LBR: variants seen among roughly 807,000 people sequenced by gnomAD.
LBR encodes lamin B receptor, also known as delta(14)-sterol reductase LBR.
A neutral mutation model predicts 74.3 loss-of-function variants in LBR; 28 were observed. That is an observed-to-expected ratio of 0.38 (90% CI 0.28 to 0.52). LBR has a LOEUF of 0.52. Among genes scored for constraint, LBR ranks in the 20% least tolerant of loss-of-function variants. The pLI, the probability that LBR is intolerant of heterozygous loss-of-function variation, is 0.89. For synonymous variants in LBR, 228 were observed against 269.3 expected, an observed-to-expected ratio of 0.85 and a Z score of 1.50; for missense variants, 717 against 760.3, an observed-to-expected ratio of 0.94 and a Z score of 0.67.
intron 1 of LBR, among the ~76,000 whole-genome samples, chr1:225,425,148 C>T (rs2096136587): frequency 6.6e-6 from 1 of 151,878 alleles, no homozygotes; most frequent in Non-Finnish European, 1.5e-5. Flanking sequence ...ATAAAAGCAA[C>T]ATTTAGGAAC....
chr1:225,412,472 G>A lies in LBR; in HGVS notation c.1066C>T (p.Leu356=), dbSNP rs1355793923. ...MRSLKAPRND[L]SPASSGNAVY... is the part of the protein sequence containing the mutation. Reference sequence around the variant, plus strand: ...TGCTCACCAGAGCTGGCAGGCGACAGGTCATTCCGGGGCGCTTTCAAAGAG... The same window carrying A: ...TGCTCACCAGAGCTGGCAGGCGACAAGTCATTCCGGGGCGCTTTCAAAGAG... Residue 356 remains leucine (L), a synonymous_variant, in exon 8 of 14, where the codon CTG becomes TTG. Coordinates refer to ENST00000272163, the MANE Select transcript of LBR (RefSeq NM_002296.4). 6.2e-7 allele frequency: 1 copy of A among 1,613,952 alleles called. No individual in the cohort carries two copies. Among genetic ancestry groups the A allele is most frequent in the Admixed American group, 1.7e-5 (1 of 59,996 alleles).
At position 225,424,008 on chromosome 1, in the gene LBR, T is replaced by A. The variant is rs749442728; in HGVS notation, c.68A>T (p.Tyr23Phe). The A allele has an allele frequency of 1.2e-6, 2 of 1,614,014 alleles. No individual in the cohort carries two copies. The highest frequency in any genetic ancestry group is 1.3e-5 in the African/African-American group (1 of 74,908). The change falls in exon 2 of 14, where the codon TAT (tyrosine) becomes TTT (phenylalanine). Residue 23 changes from tyrosine (Y) to phenylalanine (F), a missense_variant. By Grantham distance (22) the Tyr-to-Phe change is conservative. Transcript: ENST00000272163. ...RGRWPGSSLY[Y>F]EVEILSHDST... ...GTCGTGGCTCAGAATTTCTACTTCATAATAAAGTGAACTCCCAGGCCATCG... is the reference window on the plus strand; with the variant it reads ...GTCGTGGCTCAGAATTTCTACTTCAAAATAAAGTGAACTCCCAGGCCATCG...
rs776256289 is a variant in LBR, at chr1:225,419,293, C to A, written c.610G>T (p.Ala204Ser). The change falls in exon 5 of 14, where the codon GCA (alanine) becomes TCA (serine). Residue 204 changes from alanine to serine, a missense_variant. Ala to Ser is a moderately conservative substitution (Grantham distance 99, BLOSUM62 1). Coordinates refer to ENST00000272163, the MANE Select transcript of LBR (RefSeq NM_002296.4). ...VRTFEVTPIR[A>S]KDLEFGGVPG... ...ACTCCTCCAAACTCCAAGTCCTTTG[C>A]CCGGATGGGGGTCACTTCAAAGGTT... is the stretch of plus-strand genomic sequence containing the variant. 3.1e-6 allele frequency: 5 copies of A among 1,614,250 alleles called. No homozygotes were observed. In the South Asian group the frequency reaches 5.5e-5, roughly 18 times the overall value.
intron 7 of LBR, chr1:225,414,043 C>A (rs2096111896): frequency 2.2e-6 from 1 of 456,748 alleles, no homozygotes; most frequent in South Asian, 1.5e-5. Context: ...CCCAGACTCA[C>A]CTTCCCTGGT....
chr1:225,421,279 G>A lies in LBR; in HGVS notation c.366+798C>T, dbSNP rs993638193. On this transcript the variant is annotated intron_variant, in intron 3 of 13. Transcript: ENST00000272163. Reference sequence around the variant, plus strand: ...GAGGCCGAGGCGGGTGGATCACGAGGTCAGGAAATCGAGACCATCCTGGCT... The same window carrying A: ...GAGGCCGAGGCGGGTGGATCACGAGATCAGGAAATCGAGACCATCCTGGCT... Among the ~76,000 whole-genome samples, 3 of 152,218 alleles carry A rather than the reference G, an allele frequency of 2.0e-5. No individual in the cohort carries two copies. The East Asian group carries it at 5.8e-4, about 29-fold the overall frequency.
At chr1:225,405,786 C>G (rs1354562053) in intron 11 of LBR, among the ~76,000 whole-genome samples, 1 of 152,198 alleles carries the variant, frequency 6.6e-6, no homozygotes, top group Non-Finnish European at 1.5e-5. Context: ...AATACACTGT[C>G]TTGAATAATA....
At chr1:225,406,957 T>A in intron 10 of LBR, 125 bp from the exon 11 acceptor site, 1 of 875,948 alleles carries the variant, frequency 1.1e-6, no homozygotes, top group Non-Finnish European at 1.9e-6. Flanking sequence ...ATTTTTTTGT[T>A]AAAGGGGAGA....
At chr1:225,404,597 A>C in intron 12 of LBR, 29 bp downstream of exon 12, 1 of 1,568,842 alleles carries the variant, frequency 6.4e-7, no homozygotes, top group Non-Finnish European at 8.7e-7. Flanking sequence ...CATGTAATAT[A>C]TATAATATAA....
At position 225,419,771 on chromosome 1, in the gene LBR, A is replaced by C. The variant is rs572094033; in HGVS notation, c.394T>G (p.Tyr132Asp). The change falls in exon 4 of 14, where the codon TAT becomes GAT. Residue 132 changes from tyrosine (Y) to aspartate (D), a missense_variant. Transcript: ENST00000272163. ...TCAATATGCTCAGGCTCCCCATTAT[A>C]TCTGCTGATGCTATTTCCAAATGGC... ...LKPFGNSISRYNGEPEHIERN... is the reference protein window; with the variant it reads ...LKPFGNSISRDNGEPEHIERN... The C allele has an allele frequency of 1.2e-6, 2 of 1,611,944 alleles. No homozygotes were observed. The highest frequency in any genetic ancestry group is 1.7e-6 in the Non-Finnish European group (2 of 1,178,326).
In LBR at chr1:225,424,001, T is replaced by C. The variant is rs2096133965; in HGVS notation, c.75A>G (p.Val25=). The change falls in exon 2 of 14, where the codon GTA becomes GTG. Residue 25 remains valine (V), a synonymous_variant. Transcript: ENST00000272163. The stretch of plus-strand genomic sequence containing the variant: ...AGGTGCTGTCGTGGCTCAGAATTTC[T>C]ACTTCATAATAAAGTGAACTCCCAG... The part of the protein sequence containing the change: ...RWPGSSLYYE[V]EILSHDSTSQ... 3 of 1,614,096 alleles carry C rather than the reference T, an allele frequency of 1.9e-6. No individual in the cohort carries two copies. The highest frequency in any genetic ancestry group is 2.2e-5 in the East Asian group (1 of 44,882).
intron 6 of LBR, among the ~76,000 whole-genome samples, chr1:225,416,524 C>T (rs543999354): frequency 8.5e-5 from 13 of 152,152 alleles, no homozygotes; most frequent in African/African-American, 1.4e-4. Context: ...CCAAGAGAAA[C>T]GTAAAAGCTG....
intron 1 of LBR, chr1:225,427,643 A>AGCCGC (rs1280878074): frequency 2.0e-5 from 3 of 152,284 alleles, no homozygotes; most frequent in Admixed American, 6.5e-5. Context: ...GCCGCTCCAC[A>AGCCGC]GCCGCGCCGC....
chr1:225,411,725 A>G (rs2096106204), intron 8 of LBR, among the ~76,000 whole-genome samples: 3 of 152,086 alleles, frequency 2.0e-5, no homozygotes, highest in Admixed American at 2.0e-4. Context: ...TTTACACTCC[A>G]TTTTTTTTAG....
chr1:225,419,535 T>C, intron 4 of LBR, 83 bp from the exon 5 acceptor site: 1 of 1,028,616 alleles, frequency 9.7e-7, no homozygotes. Context: ...AGCATCTCAA[T>C]ACAGCTATAC....
chr1:225,418,005 G>T lies in LBR; in HGVS notation c.816C>A (p.Phe272Leu), dbSNP rs770117907. The T allele has an allele frequency of 1.2e-6, 2 of 1,614,094 alleles. No individual in the cohort carries two copies. Among genetic ancestry groups the T allele is most frequent in the Non-Finnish European group, 1.7e-6 (2 of 1,179,964 alleles). The change falls in exon 6 of 14, where the codon TTC becomes TTA. Residue 272 changes from phenylalanine to leucine, a missense_variant. By Grantham distance (22) the Phe-to-Leu change is conservative. Transcript: ENST00000272163. ...YLLWFLIQVL[F>L]YLLPIGKVVE... is the part of the protein sequence containing the mutation. ...GTACCTTTCCAATTGGCAGTAGGTA[G>T]AACAGGACTTGAATCAAAAACCACA...
chr1:225,411,294 G>A (rs1379074681), intron 9 of LBR, 43 bp downstream of exon 9: 2 of 1,339,630 alleles, frequency 1.5e-6, no homozygotes, highest in African/African-American at 1.4e-5. Context: ...CAGTTAATTA[G>A]ACCTATTGAA....
At chr1:225,423,304 C>G (rs2096131589) in intron 2 of LBR, among the ~76,000 whole-genome samples, 1 of 152,144 alleles carries the variant, frequency 6.6e-6, no homozygotes, top group South Asian at 2.1e-4. Context: ...CCTCACCAGA[C>G]AGGTTGAAAA....
chr1:225,419,564 G>A lies in LBR; in HGVS notation c.451-112C>T, dbSNP rs11588707. 3,512 of 997,468 alleles carry A rather than the reference G, an allele frequency of 3.5e-3. 10 individuals carry two copies. The highest frequency in any genetic ancestry group is 9.0e-3 in the Middle Eastern group (34 of 3,776). The allele number at this position is 997,468 out of a possible 1,614,324, so 61.8% of individuals were successfully genotyped here. A position where few individuals can be genotyped will look rare whatever the true frequency, so the allele number is the denominator to read the frequency against. On this transcript the variant is annotated intron_variant, in intron 4 of 13. Transcript: ENST00000272163. Reference sequence around the variant, plus strand: ...GCTATACACTAGTAAGAATAAATTTGTGAAATTATATTCAGTCTTAATTTA... The same window carrying A: ...GCTATACACTAGTAAGAATAAATTTATGAAATTATATTCAGTCTTAATTTA...
intron 2 of LBR, among the ~76,000 whole-genome samples, 193 bp downstream of exon 2, chr1:225,423,718 T>C (rs2096132911): frequency 6.6e-6 from 1 of 152,200 alleles, no homozygotes; most frequent in South Asian, 2.1e-4. Context: ...CCAGTAAGTG[T>C]GAGCTTCTTG....
Sources: gnomAD v4.1 joint callset for allele counts (sites outside exome capture counted in the v4.1 genomes callset) on GRCh38, gnomAD v4.1.1 for gene constraint, MANE v1.5 for transcripts, NCBI Gene and HGNC (gene_info 2026-07-23, HGNC 2026-07-21) for gene names.